Variants in RPL19 observed in about 807,000 individuals in gnomAD.
RPL19 encodes the protein large ribosomal subunit protein eL19.
In RPL19, 2 loss-of-function variants were observed where a neutral mutation model predicts 25.1. The ratio of observed to expected loss-of-function variants is 0.08; its 90% confidence interval spans 0.03 to 0.25. The LOEUF (loss-of-function observed/expected upper bound fraction) is 0.25, where lower values mean the gene tolerates loss of function less well. RPL19 is among the 10% of genes least tolerant of loss of function. The pLI is 1.00. For missense variants in RPL19, 123 were observed against 271.8 expected, an observed-to-expected ratio of 0.45 and a Z score of 3.85; for synonymous variants, 89 against 91.2, an observed-to-expected ratio of 0.98 and a Z score of 0.14.
chr17:39,204,666 G>A lies in RPL19; in HGVS notation c.*18G>A. ...AGAAATAAAACCTCCCACTTTGTCT[G>A]TACATACTGGCCTCTGTGATTACAT... is the stretch of plus-strand genomic sequence containing the variant. On this transcript the variant is annotated 3_prime_UTR_variant, in exon 6 of 6. Coordinates refer to ENST00000225430, the MANE Select transcript of RPL19 (RefSeq NM_000981.4). 6.2e-7 allele frequency: 1 copy of A among 1,611,348 alleles called. No individual in the cohort carries two copies. Among genetic ancestry groups the A allele is most frequent in the Non-Finnish European group, 8.5e-7 (1 of 1,178,232 alleles).
At chr17:39,200,600 C>T in intron 1 of RPL19, 4 of 1,245,780 alleles carry the variant, frequency 3.2e-6, no homozygotes, top group Non-Finnish European at 4.0e-6. Context: ...TCCGGTCGAC[C>T]CACGCGAGCA....
chr17:39,200,800 T>G, intron 1 of RPL19: 2 of 1,015,410 alleles, frequency 2.0e-6, no homozygotes, highest in Non-Finnish European at 2.4e-6. Flanking sequence ...AGGAAATCTC[T>G]GCGAATAGCC....
intron 2 of RPL19, 142 bp from the exon 3 acceptor site, chr17:39,202,175 G>A: frequency 9.7e-7 from 1 of 1,029,672 alleles, no homozygotes; most frequent in Non-Finnish European, 1.4e-6. Flanking sequence ...GGTTTTTGAA[G>A]GCAAGAAATA....
chr17:39,200,414 C>T (rs1371900579), intron 1 of RPL19, 65 bp downstream of exon 1: 22 of 1,475,364 alleles, frequency 1.5e-5, no homozygotes, highest in Admixed American at 2.5e-5. Context: ...GGTCTTGGGA[C>T]CGCAGCTGGG....
At chr17:39,203,416 T>C (rs1181363263) in intron 4 of RPL19, among the ~76,000 whole-genome samples, 1 of 151,024 alleles carries the variant, frequency 6.6e-6, no homozygotes, top group Non-Finnish European at 1.5e-5. Context: ...CTCCTGGCCT[T>C]GTGATCCGCC....
intron 1 of RPL19, 47 bp from the exon 2 acceptor site, chr17:39,201,166 G>A: frequency 3.1e-6 from 4 of 1,310,452 alleles, no homozygotes; most frequent in Non-Finnish European, 4.4e-6. Context: ...GTTCATTCTT[G>A]CCCAGGATTG....
intron 1 of RPL19, 81 bp from the exon 2 acceptor site, chr17:39,201,132 C>A: frequency 1.1e-6 from 1 of 904,770 alleles, no homozygotes; most frequent in Non-Finnish European, 1.8e-6. Context: ...GTGTGGGTCA[C>A]AAAGGGCAGG....
Position 39,203,121 on chromosome 17 carries a change from C to T in RPL19, c.356+12C>T, listed in dbSNP as rs2046301964. The T allele has an allele frequency of 3.1e-6, 5 of 1,611,278 alleles. No homozygotes were observed. The highest frequency in any genetic ancestry group is 1.6e-4 in the Middle Eastern group (1 of 6,070). On this transcript the variant is annotated intron_variant, in intron 4 of 5. Coordinates refer to ENST00000225430, the MANE Select transcript of RPL19 (RefSeq NM_000981.4). Reference sequence around the variant, plus strand: ...ATCGATCGCCACATGTAAGCACACCCTCTTGGGCCCAGTACCCATTTGCTG... The same window carrying T: ...ATCGATCGCCACATGTAAGCACACCTTCTTGGGCCCAGTACCCATTTGCTG...
At chr17:39,200,666 G>A (rs2046280240) in intron 1 of RPL19, 5 of 1,136,562 alleles carry the variant, frequency 4.4e-6, no homozygotes, top group Admixed American at 4.5e-5. Flanking sequence ...TGGCACACCC[G>A]GAGCGGAGCC....
Position 39,201,270 on chromosome 17 carries a change from G to A in RPL19, c.63G>A (p.Lys21=), listed in dbSNP as rs11554152. 6.2e-7 allele frequency: 1 copy of A among 1,613,664 alleles called. No individual in the cohort carries two copies. Among genetic ancestry groups the A allele is most frequent in the Admixed American group, 1.7e-5 (1 of 59,956 alleles). The stretch of plus-strand genomic sequence containing the variant: ...GTGTCCTCCGCTGTGGCAAGAAGAA[G>A]GTCTGGTTAGACCCCAATGAGACCA... ...ASSVLRCGKK[K]VWLDPNETNE... Residue 21 remains lysine (K), a synonymous_variant, in exon 2 of 6, where the codon AAG becomes AAA. Transcript: ENST00000225430.
intron 1 of RPL19, chr17:39,200,580 C>T (rs987558817): frequency 3.1e-6 from 4 of 1,272,292 alleles, no homozygotes; most frequent in Admixed American, 3.9e-5. Context: ...GGTGCCGCAC[C>T]GCACACGTGT....
chr17:39,202,845 C>G, intron 3 of RPL19, 144 bp from the exon 4 acceptor site: 1 of 898,530 alleles, frequency 1.1e-6, no homozygotes, highest in East Asian at 2.5e-5. Flanking sequence ...GGATCATCAT[C>G]TGGAAAATGG....
intron 4 of RPL19, among the ~76,000 whole-genome samples, chr17:39,203,798 C>T (rs993715664): frequency 3.3e-5 from 5 of 152,044 alleles, no homozygotes; most frequent in Admixed American, 6.6e-5. Flanking sequence ...TGAGCCACCA[C>T]GCCCAGCCAT....
chr17:39,201,909 G>A lies in RPL19; in HGVS notation c.113-408G>A, dbSNP rs144701041. The stretch of plus-strand genomic sequence containing the variant: ...TTACAAACCTAGGAAAGTTCATTCA[G>A]AGTGTCTATAAAATGGAGGAGTCAT... On this transcript the variant is annotated intron_variant, in intron 2 of 5. Coordinates refer to ENST00000225430, the MANE Select transcript of RPL19 (RefSeq NM_000981.4). Among the ~76,000 whole-genome samples the A allele has an allele frequency of 5.7e-3, 872 of 152,240 alleles. 9 individuals are homozygous for A. Among genetic ancestry groups the A allele is most frequent in the African/African-American group, 0.02 (833 of 41,538 alleles).
rs542448510 is a variant in RPL19 at position 39,203,235 on chromosome 17, G to A, written c.356+126G>A. 149 of 986,980 alleles carry A rather than the reference G, an allele frequency of 1.5e-4. No individual in the cohort carries two copies. In the African/African-American group the frequency reaches 2.5e-3, roughly 17 times the overall value. The allele number at this position is 986,980 out of a possible 1,614,324, so 61.1% of individuals were successfully genotyped here. A position where few individuals can be genotyped will look rare whatever the true frequency, so the allele number is the denominator to read the frequency against. On this transcript the variant is annotated intron_variant, in intron 4 of 5. Coordinates refer to ENST00000225430, the MANE Select transcript of RPL19 (RefSeq NM_000981.4). ...CTTGCTCTGTCACCCAGGCTGGAGT[G>A]CAGTGGCGCGATCTCAGCTCACTAC...
intron 5 of RPL19, 111 bp downstream of exon 5, chr17:39,204,298 A>G (rs1441485202): frequency 2.4e-6 from 2 of 848,420 alleles, no homozygotes; most frequent in Non-Finnish European, 3.9e-6. Flanking sequence ...AGTCTGTCTT[A>G]GGAATACAGC....
At chr17:39,204,225 G>A in intron 5 of RPL19, 38 bp downstream of exon 5, 5 of 1,275,306 alleles carry the variant, frequency 3.9e-6, no homozygotes, top group Non-Finnish European at 5.7e-6. Flanking sequence ...AACATTCTTA[G>A]ACCTTTGAGA....
intron 2 of RPL19, 133 bp from the exon 3 acceptor site, chr17:39,202,183 AT>A: frequency 1.7e-5 from 19 of 1,108,718 alleles, no homozygotes; most frequent in Non-Finnish European, 2.4e-5. Context: ...AAGGCAAGAA[AT>A]AAGTTCCAGT....
intron 4 of RPL19, 65 bp downstream of exon 4, chr17:39,203,174 A>ATTTTTTTTTTTTTTTT (rs59332263): frequency 2.0e-6 from 1 of 499,594 alleles, no homozygotes; most frequent in Non-Finnish European, 2.8e-6. Flanking sequence ...TTTCCCAGAG[A>ATTTTTTTTTTTTTTTT]TTTTTTTTTT....
Sources: allele counts gnomAD v4.1 joint callset (sites outside exome capture counted in the v4.1 genomes callset), GRCh38; gene constraint gnomAD v4.1.1; transcripts MANE v1.5; gene names NCBI Gene and HGNC (gene_info 2026-07-23, HGNC 2026-07-21).